Variants in EPHA5 observed in about 807,000 individuals in gnomAD.
EPHA5 encodes ephrin type-A receptor 5.
EPHA5 carries 60 observed loss-of-function variants against 105.0 expected under a neutral mutation model. The observed-to-expected ratio is 0.57, with a 90% CI of 0.46 to 0.71. The LOEUF (loss-of-function observed/expected upper bound fraction) is 0.71. Ranked by LOEUF, EPHA5 falls within the 30% of genes least tolerant of loss-of-function variation. The pLI is 0.00. For synonymous variants in EPHA5, 513 were observed against 449.1 expected (o/e 1.14, Z -1.80); for missense variants, 1,218 against 1,274.7 (o/e 0.96, Z 0.68).
intron 3 of EPHA5, among the ~76,000 whole-genome samples, chr4:65,584,591 G>T (rs1051185792): frequency 6.6e-6 from 1 of 151,684 alleles, no homozygotes; most frequent in Non-Finnish European, 1.5e-5. Flanking sequence ...AACAAAAATG[G>T]AATACCTATT....
chr4:65,659,319 GA>G (rs5858980), intron 1 of EPHA5, among the ~76,000 whole-genome samples: 1 of 71,608 alleles, frequency 1.4e-5, no homozygotes, highest in African/African-American at 5.3e-5. Context: ...TAGAGTAACA[GA>G]AAAAAAAAAA....
intron 2 of EPHA5, among the ~76,000 whole-genome samples, chr4:65,628,715 A>C (rs1432327174): frequency 6.6e-6 from 1 of 152,278 alleles, no homozygotes; most frequent in East Asian, 1.9e-4. Context: ...GATTATACTC[A>C]TGGTTATGTC....
In EPHA5 at chr4:65,321,978, A is replaced by G; in HGVS notation, c.*2136T>C. ...ATAAAGTGCCACATAATCATCATTT[A>G]TTTTGTACAAAAGTAATTTGTTTCA... On this transcript the variant is annotated 3_prime_UTR_variant, in exon 17 of 17. Coordinates refer to ENST00000613740, the MANE Select transcript of EPHA5 (RefSeq NM_001281766.3). 1 of 225,982 alleles carries G rather than the reference A, an allele frequency of 4.4e-6. No individual in the cohort carries two copies. Among genetic ancestry groups the G allele is most frequent in the Non-Finnish European group, 8.8e-6 (1 of 113,512 alleles). The allele number at this position is 225,982 out of a possible 1,614,324, so 14.0% of individuals were successfully genotyped here. A position where few individuals can be genotyped will look rare whatever the true frequency, so the allele number is the denominator to read the frequency against.
chr4:65,540,860 T>C (rs1373918487), intron 3 of EPHA5, among the ~76,000 whole-genome samples: 4 of 92,482 alleles, frequency 4.3e-5, no homozygotes, highest in African/African-American at 6.8e-5. Context: ...TAGCAGTCAA[T>C]TTTATAAAAA....
At chr4:65,449,059 A>G (rs1726831557) in intron 5 of EPHA5, among the ~76,000 whole-genome samples, 1 of 152,162 alleles carries the variant, frequency 6.6e-6, no homozygotes, top group South Asian at 2.1e-4. Context: ...TAACGTAACA[A>G]AAATGTATTT....
In EPHA5 at chr4:65,609,610, AT is replaced by A. The variant is rs11420498; in HGVS notation, c.247-7307del. On this transcript the variant is annotated intron_variant, in intron 2 of 16. Transcript: ENST00000613740. ...AGTAAATGTGAATGGCAAGCTAGATATTTTTTTTTCAACCTGGAGGAAAAAA... is the reference window on the plus strand; with the variant it reads ...AGTAAATGTGAATGGCAAGCTAGATATTTTTTTTCAACCTGGAGGAAAAAA... Among the ~76,000 whole-genome samples the A allele has an allele frequency of 2.8e-3, 418 of 148,686 alleles. 1 individual carries two copies. The highest frequency in any genetic ancestry group is 9.3e-3 in the African/African-American group (379 of 40,676).
intron 2 of EPHA5, among the ~76,000 whole-genome samples, chr4:65,640,010 C>T (rs1482250499): frequency 6.6e-6 from 1 of 152,092 alleles, no homozygotes; most frequent in Non-Finnish European, 1.5e-5. Context: ...TTTTCCCTTA[C>T]TTCTTTCAAC....
chr4:65,457,512 T>C (rs1215200002), intron 5 of EPHA5, among the ~76,000 whole-genome samples: 1 of 152,162 alleles, frequency 6.6e-6, no homozygotes, highest in Admixed American at 6.5e-5. Context: ...TGAGAATATA[T>C]TATATTTATG....
At position 65,323,027 on chromosome 4, in the gene EPHA5, G is replaced by A. The variant is rs1455260582; in HGVS notation, c.*1087C>T. ...AATCCTTCTACATCCTGCTGAAAAT[G>A]TGCCCTTCGGTGTCAACTTTGCTTG... On this transcript the variant is annotated 3_prime_UTR_variant, in exon 17 of 17. Transcript: ENST00000613740. 2 of 228,986 alleles carry A rather than the reference G, an allele frequency of 8.7e-6. No homozygotes were observed. The highest frequency in any genetic ancestry group is 1.7e-5 in the Non-Finnish European group (2 of 115,412). The allele number at this position is 228,986 out of a possible 1,614,324, so 14.2% of individuals were successfully genotyped here.
intron 5 of EPHA5, among the ~76,000 whole-genome samples, chr4:65,482,946 G>T (rs1163737144): frequency 6.6e-6 from 1 of 151,438 alleles, no homozygotes; most frequent in Non-Finnish European, 1.5e-5. Flanking sequence ...GTGCCATGTT[G>T]GTGTGCTGCA....
At chr4:65,549,708 T>C (rs1737714905) in intron 3 of EPHA5, among the ~76,000 whole-genome samples, 1 of 152,160 alleles carries the variant, frequency 6.6e-6, no homozygotes, top group African/African-American at 2.4e-5. Flanking sequence ...ATATTCTTGA[T>C]ATAGAAGAGA....
At chr4:65,587,047 T>A (rs1363672934) in intron 3 of EPHA5, among the ~76,000 whole-genome samples, 3 of 152,138 alleles carry the variant, frequency 2.0e-5, no homozygotes, top group African/African-American at 7.2e-5. Context: ...TAATTGTCTT[T>A]GTTTTGTTTT....
intron 5 of EPHA5, among the ~76,000 whole-genome samples, chr4:65,476,117 A>AGTGTGTGTGT (rs1293931481): frequency 2.0e-3 from 262 of 127,890 alleles, no homozygotes; most frequent in African/African-American, 6.1e-3. Context: ...AGAGAGAGAG[A>AGTGTGTGTGT]GAGAGAGAGA....
chr4:65,353,711 C>G (rs1309227027), intron 11 of EPHA5, among the ~76,000 whole-genome samples: 1 of 151,690 alleles, frequency 6.6e-6, no homozygotes, highest in South Asian at 2.1e-4. Flanking sequence ...AAACTCCATC[C>G]TATCTAACTG....
At chr4:65,444,673 C>T (rs1391466577) in intron 5 of EPHA5, among the ~76,000 whole-genome samples, 1 of 152,018 alleles carries the variant, frequency 6.6e-6, no homozygotes, top group Non-Finnish European at 1.5e-5. Context: ...AGATCAGAAA[C>T]ATTTTATTTA....
At chr4:65,562,118 C>G (rs1739072521) in intron 3 of EPHA5, among the ~76,000 whole-genome samples, 1 of 152,098 alleles carries the variant, frequency 6.6e-6, no homozygotes, top group Non-Finnish European at 1.5e-5. Context: ...CACTGGCCAT[C>G]ATGTTCTGAA....
chr4:65,628,371 A>T (rs1041064543), intron 2 of EPHA5, among the ~76,000 whole-genome samples: 1 of 152,220 alleles, frequency 6.6e-6, no homozygotes, highest in East Asian at 1.9e-4. Flanking sequence ...CTACCAAGAA[A>T]ATTACTGATG....
intron 8 of EPHA5, among the ~76,000 whole-genome samples, chr4:65,399,111 C>T (rs905850544): frequency 3.9e-5 from 6 of 152,112 alleles, no homozygotes; most frequent in South Asian, 2.1e-4. Flanking sequence ...AATGTGACAC[C>T]CTCTTTGGGG....
At chr4:65,616,787 C>T (rs1745278401) in intron 2 of EPHA5, among the ~76,000 whole-genome samples, 2 of 151,928 alleles carry the variant, frequency 1.3e-5, no homozygotes, top group African/African-American at 4.8e-5. Context: ...AACTTAAGTA[C>T]TTATTAAAGT....
Sources: gnomAD v4.1 joint callset for allele counts (sites outside exome capture counted in the v4.1 genomes callset) on GRCh38, gnomAD v4.1.1 for gene constraint, MANE v1.5 for transcripts, NCBI Gene and HGNC (gene_info 2026-07-23, HGNC 2026-07-21) for gene names.